The following ACLY variants were observed in gnomAD, a reference collection of about 807,000 sequenced individuals.
The protein encoded by ACLY is ATP citrate lyase.
A neutral mutation model predicts 133.0 loss-of-function variants in ACLY; 41 were observed. That is an observed-to-expected ratio of 0.31 (90% CI 0.24 to 0.40). The LOEUF is 0.40. Ranked by LOEUF, ACLY falls within the 10% of genes least tolerant of loss-of-function variation. The probability of loss-of-function intolerance (pLI) is 1.00; values close to 1 mark genes in which losing one functional copy is unlikely to be tolerated. For synonymous variants in ACLY, 495 were observed against 549.3 expected (o/e 0.90, Z 1.38); for missense variants, 1,046 against 1,453.8 (o/e 0.72, Z 4.56).
Position 41,867,709 on chromosome 17 carries a change from C to T in ACLY, c.*101G>A, listed in dbSNP as rs782702042. On this transcript the variant is annotated 3_prime_UTR_variant, in exon 29 of 29. Coordinates refer to ENST00000352035, the MANE Select transcript of ACLY (RefSeq NM_001096.3). The stretch of plus-strand genomic sequence containing the variant: ...CCCAGTGGCTGTTTACATTCCAGGC[C>T]CCTGCTAAATAAAGCAGGCTCCACT... The T allele has an allele frequency of 5.6e-6, 5 of 892,226 alleles. No homozygotes were observed. The highest frequency in any genetic ancestry group is 3.2e-4 in the Middle Eastern group (1 of 3,110). 55.3% of individuals were successfully genotyped at this position (892,226 alleles called of 1,614,324 possible).
intron 6 of ACLY, among the ~76,000 whole-genome samples, 156 bp from the exon 7 acceptor site, chr17:41,907,728 AGAGCTTT>A (rs1434009267): frequency 6.6e-6 from 1 of 152,206 alleles, no homozygotes; most frequent in Admixed American, 6.5e-5. Flanking sequence ...TTATGGAGAC[AGAGCTTT>A]TCCCCATTAA....
intron 1 of ACLY, among the ~76,000 whole-genome samples, chr17:41,916,487 C>T (rs952617004): frequency 1.3e-5 from 2 of 151,808 alleles, no homozygotes; most frequent in Admixed American, 1.3e-4. Context: ...GATTCTCCTG[C>T]CGCAGCCTCC....
intron 9 of ACLY, 82 bp downstream of exon 9, chr17:41,905,440 C>T: frequency 6.3e-7 from 1 of 1,582,076 alleles, no homozygotes; most frequent in East Asian, 2.2e-5. Flanking sequence ...TTGGTGACTC[C>T]TCAGACGAAG....
At chr17:41,893,716 C>T (rs1322713347) in intron 14 of ACLY, among the ~76,000 whole-genome samples, 3 of 151,986 alleles carry the variant, frequency 2.0e-5, no homozygotes, top group Non-Finnish European at 4.4e-5. Flanking sequence ...GAGGTTTGTG[C>T]AGCCGGGGCT....
At chr17:41,907,644 C>A in intron 6 of ACLY, 72 bp from the exon 7 acceptor site, 1 of 1,558,670 alleles carries the variant, frequency 6.4e-7, no homozygotes, top group Non-Finnish European at 8.8e-7. Context: ...CCAACCCCTC[C>A]ACAAACACCG....
Position 41,869,688 on chromosome 17 carries a change from G to A in ACLY, c.2938-101C>T, listed in dbSNP as rs1410229174. 21 of 946,902 alleles carry A rather than the reference G, an allele frequency of 2.2e-5. 1 individual carries two copies. Among genetic ancestry groups the A allele is most frequent in the East Asian group, 7.4e-5 (3 of 40,658 alleles). The allele number at this position is 946,902 out of a possible 1,614,324, so 58.7% of individuals were successfully genotyped here. A position where few individuals can be genotyped will look rare whatever the true frequency, so the allele number is the denominator to read the frequency against. ...TAGGTAGAACTGGACATATCCCAGC[G>A]GCGATTCAGGAACCTGGCCCACGTG... is the stretch of plus-strand genomic sequence containing the variant. On this transcript the variant is annotated intron_variant, in intron 25 of 28. Transcript: ENST00000352035.
intron 6 of ACLY, among the ~76,000 whole-genome samples, chr17:41,908,064 T>C (rs2144388350): frequency 6.6e-6 from 1 of 152,274 alleles, no homozygotes; most frequent in East Asian, 1.9e-4. Context: ...GATTCGTTTA[T>C]ACCACCTCAC....
intron 16 of ACLY, 114 bp from the exon 17 acceptor site, chr17:41,887,817 A>G: frequency 2.3e-6 from 2 of 851,936 alleles, no homozygotes; most frequent in Non-Finnish European, 3.9e-6. Flanking sequence ...AGGGTCCAAG[A>G]ACAAAGTAAT....
chr17:41,879,442 G>C (rs2048848352), intron 20 of ACLY, among the ~76,000 whole-genome samples: 1 of 136,614 alleles, frequency 7.3e-6, no homozygotes, highest in African/African-American at 2.7e-5. Flanking sequence ...TTAAGTGACA[G>C]GGTCTCACTC....
intron 1 of ACLY, among the ~76,000 whole-genome samples, chr17:41,914,658 G>C (rs1424804252): frequency 6.6e-6 from 1 of 152,188 alleles, no homozygotes; most frequent in Admixed American, 6.5e-5. Context: ...TCATCCAGCT[G>C]CTAATTTAGA....
chr17:41,875,678 G>A (rs1259366048), intron 22 of ACLY, among the ~76,000 whole-genome samples: 3 of 152,214 alleles, frequency 2.0e-5, no homozygotes, highest in African/African-American at 7.2e-5. Context: ...TCCTAACCAC[G>A]AGTGATCCGC....
intron 1 of ACLY, among the ~76,000 whole-genome samples, chr17:41,915,350 A>G (rs1481182046): frequency 1.3e-5 from 2 of 152,162 alleles, no homozygotes; most frequent in Non-Finnish European, 2.9e-5. Flanking sequence ...GCTGGGGGAG[A>G]AAAAAGTCAA....
intron 13 of ACLY, 109 bp downstream of exon 13, chr17:41,897,640 G>A (rs1179560654): frequency 9.5e-6 from 10 of 1,054,250 alleles, no homozygotes; most frequent in African/African-American, 6.4e-5. Flanking sequence ...AACCCAAACC[G>A]CTGTTCATCT....
At chr17:41,887,533 T>C in intron 17 of ACLY, 66 bp downstream of exon 17, 1 of 1,374,402 alleles carries the variant, frequency 7.3e-7, no homozygotes, top group Admixed American at 1.7e-5. Context: ...AAAGTAAACT[T>C]CCTAAGGGCA....
At chr17:41,881,148 G>A (rs2048906371) in intron 20 of ACLY, among the ~76,000 whole-genome samples, 1 of 151,928 alleles carries the variant, frequency 6.6e-6, no homozygotes. Flanking sequence ...AAAGAGAATC[G>A]GCTGGGTGCG....
chr17:41,912,022 G>GA (rs2049916910), intron 3 of ACLY, among the ~76,000 whole-genome samples: 2 of 150,278 alleles, frequency 1.3e-5, no homozygotes, highest in Non-Finnish European at 1.5e-5. Flanking sequence ...GCTGGGGCTA[G>GA]AAAATCGCTT....
chr17:41,883,893 A>G (rs2048985180), intron 19 of ACLY, among the ~76,000 whole-genome samples: 2 of 151,986 alleles, frequency 1.3e-5, no homozygotes, highest in Non-Finnish European at 2.9e-5. Context: ...TGGCCAAAAA[A>G]ATGCACTTTT....
At chr17:41,922,600 C>T (rs2050196093), upstream of ACLY, among the ~76,000 whole-genome samples, 1 of 152,132 alleles carries the variant, frequency 6.6e-6, no homozygotes, top group Non-Finnish European at 1.5e-5. Context: ...AGTAATTCCA[C>T]TTCTAATAAT....
At chr17:41,887,473 A>G (rs2049085088) in intron 17 of ACLY, 126 bp downstream of exon 17, 1 of 759,952 alleles carries the variant, frequency 1.3e-6, no homozygotes, top group Admixed American at 2.3e-5. Context: ...CTGATTTTCA[A>G]CACATACTTC....
Sources: allele counts gnomAD v4.1 joint callset (sites outside exome capture counted in the v4.1 genomes callset), GRCh38; gene constraint gnomAD v4.1.1; transcripts MANE v1.5; gene names NCBI Gene and HGNC (gene_info 2026-07-23, HGNC 2026-07-21).